NFATC2: variants seen among roughly 807,000 people sequenced by gnomAD.
The protein encoded by NFATC2 is nuclear factor of activated T cells 2.
In NFATC2, 22 loss-of-function variants were observed where a neutral mutation model predicts 87.3. That is an observed-to-expected ratio of 0.25 (90% confidence interval 0.18 to 0.36). The LOEUF (loss-of-function observed/expected upper bound fraction) is 0.36. NFATC2 is among the 10% of genes least tolerant of loss of function. The pLI, the probability that NFATC2 is intolerant of heterozygous loss-of-function variation, is 1.00. For synonymous variants in NFATC2, 565 were observed against 542.2 expected, an observed-to-expected ratio of 1.04 and a Z score of -0.58; for missense variants, 1,149 against 1,259.1, an observed-to-expected ratio of 0.91 and a Z score of 1.32.
chr20:51,408,974 TCA>T, intron 9 of NFATC2, among the ~76,000 whole-genome samples: 1 of 152,268 alleles, frequency 6.6e-6, no homozygotes, highest in South Asian at 2.1e-4. Flanking sequence ...CCCAGAAAAC[TCA>T]CACCTTTCAG....
intron 9 of NFATC2, among the ~76,000 whole-genome samples, chr20:51,425,241 A>G (rs1981609817): frequency 6.6e-6 from 1 of 152,220 alleles, no homozygotes; most frequent in Non-Finnish European, 1.5e-5. Flanking sequence ...TTACCTATAT[A>G]AAGATACATT....
intron 3 of NFATC2, among the ~76,000 whole-genome samples, chr20:51,514,298 G>T (rs1203001908): frequency 1.3e-5 from 2 of 152,170 alleles, no homozygotes; most frequent in African/African-American, 4.8e-5. Context: ...GCCAGAAATG[G>T]ATACAGATTC....
chr20:51,432,796 T>G lies in NFATC2; in HGVS notation c.2033-40A>C, dbSNP rs1982970261. Reference sequence around the variant, plus strand: ...GAGCACATAGGGGCGCCCATGGCAGTGAGCCACGGATGTGCACGGAGGATT... The same window carrying G: ...GAGCACATAGGGGCGCCCATGGCAGGGAGCCACGGATGTGCACGGAGGATT... On this transcript the variant is annotated intron_variant, in intron 8 of 10. Transcript: ENST00000371564. The surrounding 1 kb of genome is among the most constrained non-coding windows in gnomAD (Gnocchi z 4.6). The G allele has an allele frequency of 8.0e-6, 12 of 1,506,000 alleles. No homozygotes were observed. The highest frequency in any genetic ancestry group is 1.1e-5 in the Non-Finnish European group (12 of 1,133,096). The allele number at this position is 1,506,000 out of a possible 1,614,324, so 93.3% of individuals were successfully genotyped here.
chr20:51,443,343 G>A (rs939830283), intron 6 of NFATC2, among the ~76,000 whole-genome samples: 1 of 152,134 alleles, frequency 6.6e-6, no homozygotes, highest in Non-Finnish European at 1.5e-5. Context: ...ACAGCATCTG[G>A]CACATAACAG....
intron 9 of NFATC2, among the ~76,000 whole-genome samples, chr20:51,419,739 C>T (rs1980597467): frequency 6.6e-6 from 1 of 152,204 alleles, no homozygotes; most frequent in Admixed American, 6.5e-5. Flanking sequence ...CTCCATAACA[C>T]CGCAAGGAGT....
At chr20:51,496,210 C>T (rs2075986142) in intron 3 of NFATC2, among the ~76,000 whole-genome samples, 1 of 152,074 alleles carries the variant, frequency 6.6e-6, no homozygotes, top group Admixed American at 6.5e-5. Flanking sequence ...GGAAGCCAGC[C>T]ATTGTTGCCA....
At chr20:51,416,536 G>C (rs371052223) in intron 9 of NFATC2, among the ~76,000 whole-genome samples, 1 of 152,174 alleles carries the variant, frequency 6.6e-6, no homozygotes, top group Non-Finnish European at 1.5e-5. Context: ...GAGAGGCTAC[G>C]TGGGGGCCAA....
chr20:51,427,709 CTCTT>C (rs1982055790), intron 9 of NFATC2, among the ~76,000 whole-genome samples: 1 of 152,190 alleles, frequency 6.6e-6, no homozygotes, highest in Non-Finnish European at 1.5e-5. Flanking sequence ...CCCTGAAACA[CTCTT>C]CCCTCAGACC....
chr20:51,530,970 A>C (rs1294834668), intron 1 of NFATC2, among the ~76,000 whole-genome samples: 1 of 152,248 alleles, frequency 6.6e-6, no homozygotes, highest in East Asian at 1.9e-4. Flanking sequence ...TATTATGAAG[A>C]TGATTATAAT....
At chr20:51,474,212 C>A in intron 4 of NFATC2, 60 bp from the exon 5 acceptor site, 5 of 1,582,254 alleles carry the variant, frequency 3.2e-6, no homozygotes, top group South Asian at 1.2e-5. Context: ...GAAAGATCAC[C>A]CCCAAAGCTG....
At position 51,432,003 on chromosome 20, in the gene NFATC2, T is replaced by C. The variant is rs1982782839; in HGVS notation, c.2722+64A>G. The C allele has an allele frequency of 3.4e-6, 5 of 1,476,864 alleles. No individual in the cohort carries two copies. The South Asian group carries it at 4.3e-5, about 13-fold the overall frequency. The allele number at this position is 1,476,864 out of a possible 1,614,324, so 91.5% of individuals were successfully genotyped here. A position where few individuals can be genotyped will look rare whatever the true frequency, so the allele number is the denominator to read the frequency against. Reference sequence around the variant, plus strand: ...GGAATCCGTAGGCCATGCAGTGAACTTCCTGGGCAGAGATGCTTCAGGGCA... The same window carrying C: ...GGAATCCGTAGGCCATGCAGTGAACCTCCTGGGCAGAGATGCTTCAGGGCA... On this transcript the variant is annotated intron_variant, in intron 9 of 10. Coordinates refer to ENST00000371564, the MANE Select transcript of NFATC2 (RefSeq NM_012340.5). This position sits in a 1 kb window ranked among gnomAD's most constrained non-coding sequence, Gnocchi z 4.6.
At chr20:51,461,623 G>A (rs890667803) in intron 5 of NFATC2, among the ~76,000 whole-genome samples, 16 of 152,330 alleles carry the variant, frequency 1.1e-4, no homozygotes, top group African/African-American at 3.4e-4. Flanking sequence ...AGCAGCCACC[G>A]CAAAGGTTCA....
In NFATC2 at chr20:51,391,398, A is replaced by G; in HGVS notation, c.*98T>C. On this transcript the variant is annotated 3_prime_UTR_variant, in exon 11 of 11. Transcript: ENST00000371564. ...GTGTCTTGCTATAATGGCTTCTTTTACGTCTGATTTCTGGCAGGAGGTCCT... is the reference window on the plus strand; with the variant it reads ...GTGTCTTGCTATAATGGCTTCTTTTGCGTCTGATTTCTGGCAGGAGGTCCT... The G allele has an allele frequency of 6.5e-7, 1 of 1,541,428 alleles. No individual in the cohort carries two copies. Among genetic ancestry groups the G allele is most frequent in the Non-Finnish European group, 8.8e-7 (1 of 1,136,766 alleles).
chr20:51,438,436 T>C (rs1465262511), intron 6 of NFATC2, among the ~76,000 whole-genome samples: 1 of 103,156 alleles, frequency 9.7e-6, no homozygotes, highest in African/African-American at 3.6e-5. Context: ...TTATATGAGC[T>C]TGCTTTGAAA....
intron 10 of NFATC2, among the ~76,000 whole-genome samples, chr20:51,397,244 A>T (rs2024582): frequency 6.6e-6 from 1 of 152,026 alleles, no homozygotes; most frequent in Non-Finnish European, 1.5e-5. Context: ...GAGCTCTCCC[A>T]GACCTCTGCT....
rs748256694 is a variant in NFATC2, at chr20:51,516,789, C to T, written c.1327G>A (p.Val443Ile). ...VKAPTGGHPV[V>I]QLHGYMENKP... ...AAGAGCATTCAAGTCCATACCTGAA[C>T]CACAGGGTGGCCTCCAGTTGGAGCT... Residue 443 changes from valine to isoleucine, a missense_variant, in exon 3 of 11, where the codon GTT becomes ATT. Val to Ile is a conservative substitution (Grantham distance 29). Around this residue, in one of 3 missense-constraint regions of NFATC2, gnomAD observed 581 missense variants for 649.7 expected, o/e 0.89. Coordinates refer to ENST00000371564, the MANE Select transcript of NFATC2 (RefSeq NM_012340.5). 19 of 1,607,876 alleles carry T rather than the reference C, an allele frequency of 1.2e-5. No homozygotes were observed. The highest frequency in any genetic ancestry group is 3.4e-6 in the Non-Finnish European group (4 of 1,176,296).
chr20:51,517,918 AAAAAAAAAACAT>A (rs1362802170), intron 2 of NFATC2, among the ~76,000 whole-genome samples: 2 of 151,616 alleles, frequency 1.3e-5, no homozygotes, highest in Admixed American at 1.3e-4. Context: ...GTCTCAAAAA[AAAAAAAAAACAT>A]AAACAAAACA....
chr20:51,551,689 T>A (rs1327665304), intron 1 of NFATC2, among the ~76,000 whole-genome samples: 1 of 62,588 alleles, frequency 1.6e-5, no homozygotes, highest in Non-Finnish European at 2.5e-5. Context: ...TCATGGAGTT[T>A]TGGCATGATA....
In NFATC2 at chr20:51,406,192, C is replaced by G. The variant is rs149429862; in HGVS notation, c.2723-7462G>C. ...AGAGTAACAAACCCAGGCTCTGCAG[C>G]TATTATGTGGCAGAGCAGTGTGGCT... On this transcript the variant is annotated intron_variant, in intron 9 of 10. Coordinates refer to ENST00000371564, the MANE Select transcript of NFATC2 (RefSeq NM_012340.5). Among the ~76,000 whole-genome samples, 252 of 152,312 alleles carry G rather than the reference C, an allele frequency of 1.7e-3. 1 individual carries two copies. The highest frequency in any genetic ancestry group is 5.7e-3 in the African/African-American group (235 of 41,556).
Sources: gnomAD v4.1 joint callset for allele counts (sites outside exome capture counted in the v4.1 genomes callset) on GRCh38, gnomAD v4.1.1 for gene constraint, gnomAD v4.1.1 regional missense constraint, Gnocchi (gnomAD v3.1) non-coding constraint, MANE v1.5 for transcripts, NCBI Gene and HGNC (gene_info 2026-07-23, HGNC 2026-07-21) for gene names.